The following TENM1 variants were observed in gnomAD, a reference collection of about 807,000 sequenced individuals.
The protein encoded by TENM1 is teneurin transmembrane protein 1.
TENM1 carries 35 observed loss-of-function variants against 174.8 expected under a neutral mutation model. That is an observed-to-expected ratio of 0.20 (90% CI 0.15 to 0.27). TENM1 has a LOEUF of 0.27. TENM1 is among the 10% of genes least tolerant of loss of function. The pLI is 1.00. For synonymous variants in TENM1, 781 were observed against 798.7 expected (o/e 0.98, Z 0.37); for missense variants, 1,633 against 2,130.1 (o/e 0.77, Z 4.59).
chrX:124,572,200 C>T (rs772663329), intron 11 of TENM1, among the ~76,000 whole-genome samples: 2 of 111,346 alleles, frequency 1.8e-5, no homozygotes, highest in South Asian at 3.8e-4. Context: ...CACACACATG[C>T]GTACACCAGT....
intron 3 of TENM1, among the ~76,000 whole-genome samples, chrX:124,754,541 G>T (rs1433442046): frequency 9.0e-6 from 1 of 111,075 alleles, no homozygotes; most frequent in Non-Finnish European, 1.9e-5. Flanking sequence ...TTTTGAATGT[G>T]TTTGCTCTTG....
chrX:124,959,292 G>C (rs2058621589), intron 1 of TENM1, among the ~76,000 whole-genome samples: 1 of 111,371 alleles, frequency 9.0e-6, no homozygotes, highest in Admixed American at 9.5e-5. Flanking sequence ...TTCCCTCCTA[G>C]GTGTCTCTAC....
the TENM1 span, among the ~76,000 whole-genome samples, chrX:125,008,272 CA>C: frequency 3.7e-5 from 4 of 106,771 alleles, no homozygotes; most frequent in East Asian, 8.8e-4. Flanking sequence ...AAAAAAAAAT[CA>C]AAAAGACAAA....
At chrX:125,191,601 A>G in the TENM1 span, among the ~76,000 whole-genome samples, 1 of 112,048 alleles carries the variant, frequency 8.9e-6, no homozygotes, top group Non-Finnish European at 1.9e-5. Context: ...CTGAATGAAA[A>G]TTAAATGGGT....
chrX:125,059,918 A>C, the TENM1 span, among the ~76,000 whole-genome samples: 3 of 110,203 alleles, frequency 2.7e-5, no homozygotes. Context: ...TTAACATTTA[A>C]GTCAGCAGAC....
chrX:124,682,243 G>C (rs923323286), intron 5 of TENM1, among the ~76,000 whole-genome samples: 5 of 111,384 alleles, frequency 4.5e-5, no homozygotes, highest in African/African-American at 1.6e-4. Flanking sequence ...GGGTTTTCTT[G>C]GTAAAAGGAT....
intron 1 of TENM1, among the ~76,000 whole-genome samples, chrX:124,925,155 A>G (rs192420804): frequency 1.8e-5 from 2 of 109,228 alleles, no homozygotes; most frequent in African/African-American, 6.6e-5. Context: ...TATATCACAG[A>G]ATACTAATAA....
the TENM1 span, among the ~76,000 whole-genome samples, chrX:125,092,625 A>G: frequency 8.9e-6 from 1 of 112,071 alleles, no homozygotes; most frequent in African/African-American, 3.2e-5. Context: ...TGAGTAAAGT[A>G]GGAATTTGTG....
At chrX:124,503,727 C>T (rs769876639) in intron 18 of TENM1, 24 bp from the exon 22 acceptor site, 3 of 1,151,085 alleles carry the variant, frequency 2.6e-6, no homozygotes, top group South Asian at 2.0e-5. Flanking sequence ...GTTAACAGCA[C>T]ATTAGAAAAC....
At chrX:124,805,384 C>T (rs1046170697) in intron 3 of TENM1, among the ~76,000 whole-genome samples, 1 of 111,979 alleles carries the variant, frequency 8.9e-6, no homozygotes, top group Admixed American at 9.4e-5. Context: ...CCTTGAGAGC[C>T]TGGAAAAAAT....
intron 1 of TENM1, among the ~76,000 whole-genome samples, chrX:124,919,371 C>T (rs775472993): frequency 8.9e-6 from 1 of 111,963 alleles, no homozygotes; most frequent in South Asian, 3.7e-4. Flanking sequence ...ATTATATAAC[C>T]TTGAAAATAA....
At chrX:125,184,741 A>C in the TENM1 span, among the ~76,000 whole-genome samples, 1 of 111,819 alleles carries the variant, frequency 8.9e-6, no homozygotes, top group Admixed American at 9.6e-5. Flanking sequence ...ACTTTTTTAC[A>C]GCTTGAAATG....
At chrX:124,688,174 A>G (rs994298347) in intron 5 of TENM1, among the ~76,000 whole-genome samples, 5 of 104,891 alleles carry the variant, frequency 4.8e-5, no homozygotes, top group Non-Finnish European at 9.8e-5. Flanking sequence ...ATAGTTAATA[A>G]TAATGTATAC....
At chrX:124,591,938 A>G (rs1293472289) in intron 11 of TENM1, among the ~76,000 whole-genome samples, 3 of 110,591 alleles carry the variant, frequency 2.7e-5, no homozygotes, top group African/African-American at 9.9e-5. Flanking sequence ...TTTTTTATTT[A>G]TTTTGTCAGA....
intron 3 of TENM1, among the ~76,000 whole-genome samples, chrX:124,741,751 T>C (rs1012750216): frequency 7.1e-5 from 8 of 112,024 alleles, no homozygotes; most frequent in African/African-American, 2.6e-4. Context: ...CAGGCTCCTA[T>C]CCACATGTGG....
At chrX:124,990,681 C>T in the TENM1 span, among the ~76,000 whole-genome samples, 1 of 112,134 alleles carries the variant, frequency 8.9e-6, no homozygotes, top group Non-Finnish European at 1.9e-5. Flanking sequence ...CATTAAAATG[C>T]AAATACGTTA....
upstream of TENM1, among the ~76,000 whole-genome samples, chrX:124,967,593 C>T (rs2058742460): frequency 9.0e-6 from 1 of 111,313 alleles, no homozygotes; most frequent in Non-Finnish European, 1.9e-5. Flanking sequence ...GTCAGTATTT[C>T]CTCCCTCCCA....
intron 3 of TENM1, among the ~76,000 whole-genome samples, chrX:124,834,353 G>T (rs1448967865): frequency 1.8e-5 from 2 of 111,261 alleles, no homozygotes; most frequent in African/African-American, 6.5e-5. Context: ...TGTAGGTTTA[G>T]TAGAGATGGG....
At chrX:124,704,959 G>A in intron 5 of TENM1, 54 bp downstream of exon 8, 1 of 1,008,660 alleles carries the variant, frequency 9.9e-7, no homozygotes, top group Non-Finnish European at 1.4e-6. Flanking sequence ...CCCACCACAA[G>A]CAAAACAAGA....
Sources: allele counts gnomAD v4.1 joint callset (sites outside exome capture counted in the v4.1 genomes callset), GRCh38; gene constraint gnomAD v4.1.1; transcripts MANE v1.5; gene names NCBI Gene and HGNC (gene_info 2026-07-23, HGNC 2026-07-21).